The following DZANK1 variants were observed in gnomAD, a reference collection of about 807,000 sequenced individuals.
DZANK1 encodes the protein double zinc ribbon and ankyrin repeat domains 1, also known as double zinc ribbon and ankyrin repeat-containing protein 1.
Under a neutral mutation model 94.5 loss-of-function variants are expected in DZANK1, and 91 were observed. The ratio of observed to expected loss-of-function variants is 0.96; its 90% CI spans 0.81 to 1.15. The LOEUF (loss-of-function observed/expected upper bound fraction) is 1.15, where lower values mean the gene tolerates loss of function less well. Among genes scored for constraint, DZANK1 ranks in the 50% most tolerant of loss-of-function variants. DZANK1 has a pLI of 0.00. For synonymous variants in DZANK1, 312 were observed against 325.3 expected, an observed-to-expected ratio of 0.96 and a Z score of 0.44; for missense variants, 903 against 916.4, an observed-to-expected ratio of 0.99 and a Z score of 0.19.
exon 21 of DZANK1, chr20:18,384,159 A>G (rs1411980164): frequency 3.2e-6 from 1 of 311,938 alleles, no homozygotes; most frequent in Non-Finnish European, 5.9e-6. Flanking sequence ...TCCCGGGTTC[A>G]AGCGATTTTC....
chr20:18,426,222 T>C (rs1032059760), intron 10 of DZANK1, among the ~76,000 whole-genome samples: 18 of 152,290 alleles, frequency 1.2e-4, no homozygotes, highest in African/African-American at 3.4e-4. Flanking sequence ...GCGAGGGATC[T>C]AGGTTGCGCG....
intron 7 of DZANK1, among the ~76,000 whole-genome samples, chr20:18,447,649 C>T (rs1004206280): frequency 1.3e-5 from 2 of 151,706 alleles, no homozygotes; most frequent in Non-Finnish European, 1.5e-5. Context: ...TTTTTAAAGG[C>T]CAAAAGTTTG....
chr20:18,453,849 A>G (rs527781231), intron 4 of DZANK1, 22 bp from the exon 5 acceptor site: 42 of 1,339,264 alleles, frequency 3.1e-5, no homozygotes, highest in Non-Finnish European at 4.5e-5. Context: ...GAGATTGCAT[A>G]TCAATCACTT....
chr20:18,390,783 A>C (rs1377396817), intron 17 of DZANK1, among the ~76,000 whole-genome samples: 1 of 152,238 alleles, frequency 6.6e-6, no homozygotes, highest in East Asian at 1.9e-4. Flanking sequence ...AAAAGCAATC[A>C]GGTGAATCCT....
chr20:18,388,862 C>T (rs2048674630), intron 19 of DZANK1, among the ~76,000 whole-genome samples: 1 of 152,138 alleles, frequency 6.6e-6, no homozygotes, highest in South Asian at 2.1e-4. Flanking sequence ...CAGAGAATAA[C>T]AGAAGCAAAG....
At chr20:18,460,581 T>C (rs976911219) in intron 2 of DZANK1, among the ~76,000 whole-genome samples, 77 of 152,188 alleles carry the variant, frequency 5.1e-4, no homozygotes, top group Non-Finnish European at 9.9e-4. Flanking sequence ...TACAAAAAAT[T>C]AGCCGGGCGT....
At position 18,384,488 on chromosome 20, in the gene DZANK1, G is replaced by C. The variant is rs759121755; in HGVS notation, c.2170C>G (p.Leu724Val). ...TTGGCAGCAAAGAGTGAGGTGACAA[G>C]GTCATCTCCAGTGTTCAGAGCCAGG... Residue 724 changes from leucine to valine, a missense_variant, in exon 21 of 21, where the codon CTT (leucine) becomes GTT (valine). Physicochemically the swap from Leu to Val is conservative, Grantham distance 32. Transcript: ENST00000262547. 5 of 1,612,112 alleles carry C rather than the reference G, an allele frequency of 3.1e-6. No homozygotes were observed. Among genetic ancestry groups the C allele is most frequent in the Admixed American group, 1.7e-5 (1 of 59,746 alleles).
chr20:18,397,967 T>C (rs7264393), intron 14 of DZANK1, among the ~76,000 whole-genome samples: 55,337 of 152,016 alleles, frequency 0.36, 10,966 homozygotes, highest in Middle Eastern at 0.46. Flanking sequence ...AGTCCGTTAG[T>C]CAAACAGTCA....
chr20:18,415,904 T>C (rs1275037698), intron 10 of DZANK1, among the ~76,000 whole-genome samples: 1 of 152,198 alleles, frequency 6.6e-6, no homozygotes, highest in Non-Finnish European at 1.5e-5. Flanking sequence ...AATTATTTTA[T>C]ATTGGGGACA....
intron 13 of DZANK1, among the ~76,000 whole-genome samples, chr20:18,400,851 C>T (rs959018550): frequency 4.1e-4 from 63 of 152,032 alleles, no homozygotes; most frequent in African/African-American, 1.5e-3. Flanking sequence ...TCTTAGTGGA[C>T]ACAGATAATA....
At chr20:18,409,557 C>CAT (rs2057131429) in intron 13 of DZANK1, among the ~76,000 whole-genome samples, 1 of 122,972 alleles carries the variant, frequency 8.1e-6, no homozygotes, top group Non-Finnish European at 1.9e-5. Context: ...TGAATACACA[C>CAT]ACACACACAC....
At chr20:18,446,056 C>T (rs546740984) in intron 7 of DZANK1, among the ~76,000 whole-genome samples, 35 of 143,838 alleles carry the variant, frequency 2.4e-4, no homozygotes, top group African/African-American at 6.9e-4. Flanking sequence ...TGGGCCACCA[C>T]GCCCAGCCAA....
Position 18,390,340 on chromosome 20 carries a change from G to C in DZANK1, c.1890+39C>G, listed in dbSNP as rs369580573. 88 of 1,586,510 alleles carry C rather than the reference G, an allele frequency of 5.5e-5. No homozygotes were observed. In the African/African-American group the frequency reaches 1.2e-3, roughly 21 times the overall value. The stretch of plus-strand genomic sequence containing the variant: ...GGAGACAGAGGTGGAATGCCAGGCT[G>C]AACTCTTCAGAGAGACTGGCTCCTT... On this transcript the variant is annotated intron_variant, in intron 18 of 20. Coordinates refer to ENST00000262547, the Ensembl canonical transcript of DZANK1.
chr20:18,431,306 C>G (rs2148601025), intron 9 of DZANK1, among the ~76,000 whole-genome samples: 1 of 152,156 alleles, frequency 6.6e-6, no homozygotes, highest in East Asian at 1.9e-4. Context: ...CTGCAACTAC[C>G]ATGGAATCTG....
intron 7 of DZANK1, among the ~76,000 whole-genome samples, chr20:18,444,961 C>T (rs1017384056): frequency 6.6e-6 from 1 of 151,950 alleles, no homozygotes. Flanking sequence ...CCACCAAGCC[C>T]GGCTAATTTT....
intron 15 of DZANK1, among the ~76,000 whole-genome samples, chr20:18,395,542 C>T (rs1278750798): frequency 6.6e-6 from 1 of 152,126 alleles, no homozygotes; most frequent in African/African-American, 2.4e-5. Flanking sequence ...ACTGCTGGAC[C>T]TCCTTCCCCA....
Position 18,437,242 on chromosome 20 carries a change from A to G in DZANK1, c.748-3477T>C, listed in dbSNP as rs575459531. On this transcript the variant is annotated intron_variant, in intron 8 of 20. Transcript: ENST00000262547. Reference sequence around the variant, plus strand: ...AAGCAATATTTATGGTTATTACATAAAAGATAAAGAAAGGAGGACGATACT... The same window carrying G: ...AAGCAATATTTATGGTTATTACATAGAAGATAAAGAAAGGAGGACGATACT... 5.3e-5 allele frequency among the ~76,000 whole-genome samples: 8 copies of G among 152,336 alleles called. No individual in the cohort carries two copies. The East Asian group carries it at 1.2e-3, about 22-fold the overall frequency.
At chr20:18,439,181 T>G (rs1400939999) in intron 8 of DZANK1, among the ~76,000 whole-genome samples, 2 of 152,216 alleles carry the variant, frequency 1.3e-5, no homozygotes, top group Non-Finnish European at 1.5e-5. Flanking sequence ...AGAGCCAGTA[T>G]CTAGAAATCC....
Position 18,423,270 on chromosome 20 carries a change from A to G in DZANK1, c.954+3797T>C, listed in dbSNP as rs527684446. On this transcript the variant is annotated intron_variant, in intron 10 of 20. Transcript: ENST00000262547. ...AACACAACAATGAAACAACCTAACA[A>G]TGCATTTCTCAGAATGTTTCCCTGT... Among the ~76,000 whole-genome samples the G allele has an allele frequency of 7.9e-5, 12 of 152,302 alleles. No homozygotes were observed. The South Asian group carries it at 2.5e-3, about 32-fold the overall frequency.
Sources: allele counts gnomAD v4.1 joint callset (sites outside exome capture counted in the v4.1 genomes callset), GRCh38; gene constraint gnomAD v4.1.1; transcripts MANE v1.5; gene names NCBI Gene and HGNC (gene_info 2026-07-23, HGNC 2026-07-21).